Variants in STAG1 observed in about 807,000 individuals in gnomAD.
STAG1 encodes cohesin subunit SA-1.
In STAG1, 26 loss-of-function variants were observed where a neutral mutation model predicts 170.9. The observed-to-expected ratio is 0.15, with a 90% CI of 0.11 to 0.21. STAG1 has a LOEUF of 0.21. STAG1 is among the 10% of genes least tolerant of loss of function. The pLI is 1.00. For missense variants in STAG1, 964 were observed against 1,509.5 expected, an observed-to-expected ratio of 0.64 and a Z score of 5.99; for synonymous variants, 514 against 497.7, an observed-to-expected ratio of 1.03 and a Z score of -0.44.
chr3:136,715,171 CTTTT>C (rs35662353), intron 1 of STAG1, among the ~76,000 whole-genome samples: 1 of 133,842 alleles, frequency 7.5e-6, no homozygotes, highest in African/African-American at 2.8e-5. Flanking sequence ...GGTTTTTTAA[CTTTT>C]TTTTTTTTTT....
chr3:136,572,400 C>G (rs1310205789), intron 4 of STAG1, among the ~76,000 whole-genome samples: 3 of 151,702 alleles, frequency 2.0e-5, no homozygotes, highest in Non-Finnish European at 4.4e-5. Context: ...TTGAGACCAG[C>G]CTGGGCAATG....
intron 16 of STAG1, among the ~76,000 whole-genome samples, chr3:136,432,885 G>A (rs1380858531): frequency 6.6e-6 from 1 of 152,116 alleles, no homozygotes; most frequent in Admixed American, 6.5e-5. Context: ...CAAGCATGTG[G>A]GTACATGTGT....
intron 15 of STAG1, among the ~76,000 whole-genome samples, chr3:136,442,172 T>C (rs2088653120): frequency 6.6e-6 from 1 of 152,212 alleles, no homozygotes; most frequent in Non-Finnish European, 1.5e-5. Context: ...CACTCCAGTG[T>C]GGGTGACAGA....
chr3:136,498,221 T>C (rs1434297402), intron 9 of STAG1, among the ~76,000 whole-genome samples: 2 of 64,844 alleles, frequency 3.1e-5, no homozygotes, highest in African/African-American at 1.5e-4. Context: ...TATATATATA[T>C]ATATATATAT....
chr3:136,448,925 A>C (rs943725099), intron 14 of STAG1, among the ~76,000 whole-genome samples: 14 of 148,056 alleles, frequency 9.5e-5, no homozygotes, highest in South Asian at 6.4e-4. Context: ...ACTCCATCCC[A>C]AAAAAAAAAG....
chr3:136,470,805 T>C (rs2089606506), intron 12 of STAG1, among the ~76,000 whole-genome samples: 1 of 151,978 alleles, frequency 6.6e-6, no homozygotes, highest in Non-Finnish European at 1.5e-5. Flanking sequence ...TATGCAGCCA[T>C]AAAAAGGATG....
intron 1 of STAG1, among the ~76,000 whole-genome samples, chr3:136,657,390 G>T (rs906056739): frequency 1.3e-5 from 2 of 151,482 alleles, no homozygotes; most frequent in African/African-American, 4.9e-5. Flanking sequence ...GTAGAGACAG[G>T]GTTTCACCAT....
At chr3:136,662,153 C>CT (rs398082483) in intron 1 of STAG1, among the ~76,000 whole-genome samples, 44,395 of 141,084 alleles carry the variant, frequency 0.31, 6,843 homozygotes, top group Middle Eastern at 0.37. Flanking sequence ...CAGTTAGACT[C>CT]TTTTTTTTTT....
Position 136,543,981 on chromosome 3 carries a change from T to C in STAG1, c.395-1786A>G, listed in dbSNP as rs192389789. 4.6e-5 allele frequency among the ~76,000 whole-genome samples: 7 copies of C among 152,232 alleles called. No homozygotes were observed. In the East Asian group the frequency reaches 1.4e-3, roughly 29 times the overall value. On this transcript the variant is annotated intron_variant, in intron 5 of 33. Coordinates refer to ENST00000383202, the MANE Select transcript of STAG1 (RefSeq NM_005862.3). ...AAGTTGAGTTCTACAGGAAGTCAGA[T>C]TCCTACGTATGCACAGATTCAAATA...
At chr3:136,578,742 G>T (rs1253780775) in intron 4 of STAG1, among the ~76,000 whole-genome samples, 1 of 152,152 alleles carries the variant, frequency 6.6e-6, no homozygotes, top group Non-Finnish European at 1.5e-5. Context: ...GCTTACAGTG[G>T]TCAGGTAATA....
At chr3:136,616,345 A>G (rs1167234191) in intron 3 of STAG1, among the ~76,000 whole-genome samples, 4 of 152,148 alleles carry the variant, frequency 2.6e-5, no homozygotes, top group African/African-American at 9.7e-5. Context: ...GAGATGAGGA[A>G]ATGTAACAAT....
chr3:136,465,110 T>C, intron 12 of STAG1, 122 bp from the exon 13 acceptor site: 2 of 602,688 alleles, frequency 3.3e-6, no homozygotes, highest in Admixed American at 3.8e-5. Flanking sequence ...TCTCATCTTT[T>C]ATCTTACTTT....
At chr3:136,490,768 T>C (rs1328339729) in intron 9 of STAG1, among the ~76,000 whole-genome samples, 2 of 152,190 alleles carry the variant, frequency 1.3e-5, no homozygotes, top group African/African-American at 2.4e-5. Context: ...CATTGTAACA[T>C]AAAAGGATGA....
At chr3:136,690,566 A>T (rs1942687818) in intron 1 of STAG1, among the ~76,000 whole-genome samples, 1 of 152,170 alleles carries the variant, frequency 6.6e-6, no homozygotes, top group Admixed American at 6.6e-5. Context: ...AACATTTTAC[A>T]ATCATGAGCA....
intron 3 of STAG1, among the ~76,000 whole-genome samples, chr3:136,611,623 T>C (rs1021100495): frequency 2.7e-5 from 4 of 149,022 alleles, no homozygotes; most frequent in African/African-American, 9.9e-5. Context: ...GCCACCTAAG[T>C]AGTTGGGACT....
chr3:136,577,616 G>C (rs2107774012), intron 4 of STAG1, among the ~76,000 whole-genome samples: 1 of 151,680 alleles, frequency 6.6e-6, no homozygotes, highest in South Asian at 2.1e-4. Flanking sequence ...TGCCTTGAAG[G>C]GGGATGCTCA....
intron 1 of STAG1, among the ~76,000 whole-genome samples, chr3:136,728,396 T>A (rs1309666959): frequency 6.6e-6 from 1 of 152,088 alleles, no homozygotes; most frequent in African/African-American, 2.4e-5. Flanking sequence ...TAAAGAAGTA[T>A]AAAGGGAGCA....
intron 1 of STAG1, among the ~76,000 whole-genome samples, chr3:136,688,211 C>G (rs1942601758): frequency 6.6e-6 from 1 of 152,122 alleles, no homozygotes; most frequent in Non-Finnish European, 1.5e-5. Context: ...CAATACCTTT[C>G]AGCATGTCGA....
At chr3:136,484,487 C>T (rs1246714942) in intron 9 of STAG1, among the ~76,000 whole-genome samples, 21 of 144,222 alleles carry the variant, frequency 1.5e-4, no homozygotes, top group African/African-American at 3.1e-4. Flanking sequence ...TCAAAGCTGT[C>T]AGACAGGGAC....
Sources: allele counts gnomAD v4.1 joint callset (sites outside exome capture counted in the v4.1 genomes callset), GRCh38; gene constraint gnomAD v4.1.1; transcripts MANE v1.5; gene names NCBI Gene and HGNC (gene_info 2026-07-23, HGNC 2026-07-21).